The following FAM78B variants were observed in gnomAD, a reference collection of about 807,000 sequenced individuals.
FAM78B encodes family with sequence similarity 78 member B.
In FAM78B, 10 loss-of-function variants were observed where a neutral mutation model predicts 20.0. The ratio of observed to expected loss-of-function variants is 0.50; its 90% CI spans 0.31 to 0.85. The LOEUF is 0.85. Ranked by LOEUF, FAM78B falls within the 40% of genes least tolerant of loss-of-function variation. The probability of loss-of-function intolerance (pLI) is 0.05; values close to 1 mark genes in which losing one functional copy is unlikely to be tolerated. For missense variants in FAM78B, 283 were observed against 345.0 expected, an observed-to-expected ratio of 0.82 and a Z score of 1.42; for synonymous variants, 135 against 132.8, an observed-to-expected ratio of 1.02 and a Z score of -0.12.
intron 1 of FAM78B, among the ~76,000 whole-genome samples, chr1:166,138,632 C>G (rs1655163697): frequency 1.3e-5 from 2 of 152,190 alleles, no homozygotes; most frequent in African/African-American, 4.8e-5. Flanking sequence ...TAAGCAGCCA[C>G]TGGAAGCAGA....
intron 1 of FAM78B, among the ~76,000 whole-genome samples, chr1:166,079,613 G>A (rs534758281): frequency 1.3e-5 from 2 of 152,294 alleles, no homozygotes; most frequent in African/African-American, 4.8e-5. Flanking sequence ...AGTAGGTGGA[G>A]CTAGGGGCTG....
chr1:166,127,306 T>C (rs1424579400), intron 1 of FAM78B, among the ~76,000 whole-genome samples: 1 of 152,166 alleles, frequency 6.6e-6, no homozygotes, highest in African/African-American at 2.4e-5. Context: ...AGAGACTGCA[T>C]ATATATTGGC....
intron 1 of FAM78B, among the ~76,000 whole-genome samples, chr1:166,156,307 CTT>C (rs1385810073): frequency 3.9e-5 from 6 of 152,256 alleles, no homozygotes; most frequent in Admixed American, 2.6e-4. Context: ...TTTACCCTCT[CTT>C]GTCTTCAGAC....
chr1:166,099,166 A>C (rs1253037646), intron 1 of FAM78B, among the ~76,000 whole-genome samples: 2 of 152,198 alleles, frequency 1.3e-5, no homozygotes, highest in Non-Finnish European at 2.9e-5. Flanking sequence ...TATGAAGGAA[A>C]GATACAGTTG....
intron 2 of FAM78B, among the ~76,000 whole-genome samples, chr1:166,062,459 C>T (rs991060613): frequency 2.0e-5 from 3 of 152,224 alleles, no homozygotes; most frequent in Non-Finnish European, 2.9e-5. Context: ...TTCTGATGAA[C>T]GTGCCTGAAG....
In FAM78B at chr1:166,070,437, A is replaced by C; in HGVS notation, c.590T>G (p.Ile197Ser). 6.2e-7 allele frequency: 1 copy of C among 1,614,146 alleles called. No individual in the cohort carries two copies. The highest frequency in any genetic ancestry group is 8.5e-7 in the Non-Finnish European group (1 of 1,180,014). Residue 197 changes from isoleucine to serine, a missense_variant, in exon 2 of 2, where the codon ATT (isoleucine) becomes AGT (serine). By Grantham distance (142) the Ile-to-Ser change is moderately radical. Coordinates refer to ENST00000354422, the MANE Select transcript of FAM78B (RefSeq NM_001017961.5). ...CAAGAGCTGAAGAGGGTCCACTTCA[A>C]TGTCCACCCTCATCCTCCACTTGAT... ...QTIKWRMRVD[I>S]EVDPLQLLGQ... is the part of the protein sequence containing the mutation.
chr1:166,109,860 ATGTATGTGT>A (rs1653954969), intron 1 of FAM78B, among the ~76,000 whole-genome samples: 1 of 22,486 alleles, frequency 4.4e-5, no homozygotes, highest in Admixed American at 5.9e-4. Flanking sequence ...ATATATATAT[ATGTATGTGT>A]ATATATATAT....
At chr1:166,089,524 G>T (rs756056070) in intron 1 of FAM78B, among the ~76,000 whole-genome samples, 3 of 152,092 alleles carry the variant, frequency 2.0e-5, no homozygotes, top group South Asian at 2.1e-4. Context: ...GGAAGTGAAA[G>T]AATGGGTCAG....
At chr1:166,146,037 C>A (rs1269855105) in intron 1 of FAM78B, among the ~76,000 whole-genome samples, 1 of 152,126 alleles carries the variant, frequency 6.6e-6, no homozygotes, top group East Asian at 1.9e-4. Flanking sequence ...CCTCTCACAG[C>A]TACTGTGAGG....
At chr1:166,129,724 T>G (rs4147071) in intron 1 of FAM78B, among the ~76,000 whole-genome samples, 111,269 of 151,884 alleles carry the variant, frequency 0.73, 41,449 homozygotes, top group Non-Finnish European at 0.82. Context: ...CCCTGCTGCT[T>G]CTTCTCCTGC....
At chr1:166,137,558 T>C (rs1655114524) in intron 1 of FAM78B, among the ~76,000 whole-genome samples, 1 of 151,978 alleles carries the variant, frequency 6.6e-6, no homozygotes, top group Non-Finnish European at 1.5e-5. Context: ...ATACTATAGC[T>C]CCACAAGTAT....
chr1:166,101,934 A>G (rs1571162691), intron 1 of FAM78B, among the ~76,000 whole-genome samples: 1 of 152,278 alleles, frequency 6.6e-6, no homozygotes, highest in East Asian at 1.9e-4. Flanking sequence ...GAAATGAAGG[A>G]AAAAATGTTA....
chr1:166,108,767 A>T (rs2101754558), intron 1 of FAM78B, among the ~76,000 whole-genome samples: 1 of 152,352 alleles, frequency 6.6e-6, no homozygotes, highest in Admixed American at 6.5e-5. Context: ...ACTGTACTAT[A>T]AGGCCATATT....
At chr1:166,126,358 G>T (rs1183770109) in intron 1 of FAM78B, among the ~76,000 whole-genome samples, 1 of 152,136 alleles carries the variant, frequency 6.6e-6, no homozygotes, top group Non-Finnish European at 1.5e-5. Flanking sequence ...ACTTGTATAT[G>T]GACAAGCAAT....
At chr1:166,092,963 C>T (rs557067929) in intron 1 of FAM78B, among the ~76,000 whole-genome samples, 61 of 152,196 alleles carry the variant, frequency 4.0e-4, no homozygotes, top group African/African-American at 1.4e-3. Flanking sequence ...GTTAAGTGGC[C>T]GGGCTGAAAT....
intron 1 of FAM78B, among the ~76,000 whole-genome samples, chr1:166,117,017 C>T (rs1484266061): frequency 6.6e-6 from 1 of 152,144 alleles, no homozygotes; most frequent in African/African-American, 2.4e-5. Context: ...ATAAATGAAA[C>T]CTATAAATGC....
intron 1 of FAM78B, among the ~76,000 whole-genome samples, chr1:166,138,856 A>G (rs1438918639): frequency 1.3e-5 from 2 of 152,232 alleles, no homozygotes; most frequent in Admixed American, 1.3e-4. Context: ...CATGGCAGGT[A>G]CTCAAATATT....
In FAM78B at chr1:166,166,729, C is replaced by G. The variant is rs1400566879; in HGVS notation, c.-481G>C. Reference sequence around the variant, plus strand: ...CAGCAGCAGCCGCCGCCGCCGCCGCCGCTGCATGAACCTCTGCACCACGGC... The same window carrying G: ...CAGCAGCAGCCGCCGCCGCCGCCGCGGCTGCATGAACCTCTGCACCACGGC... On this transcript the variant is annotated 5_prime_UTR_variant, in exon 1 of 2. Coordinates refer to ENST00000354422, the MANE Select transcript of FAM78B (RefSeq NM_001017961.5). 2 of 149,726 alleles carry G rather than the reference C, an allele frequency of 1.3e-5. No homozygotes were observed. The highest frequency in any genetic ancestry group is 3.0e-5 in the Non-Finnish European group (2 of 67,174). 9.3% of individuals were successfully genotyped at this position (149,726 alleles called of 1,614,324 possible).
At chr1:166,119,223 T>C (rs1401664057) in intron 1 of FAM78B, among the ~76,000 whole-genome samples, 3 of 152,220 alleles carry the variant, frequency 2.0e-5, no homozygotes, top group Admixed American at 6.5e-5. Context: ...CGAGTTCAAC[T>C]TGAAAACCCT....
Sources: gnomAD v4.1 joint callset for allele counts (sites outside exome capture counted in the v4.1 genomes callset) on GRCh38, gnomAD v4.1.1 for gene constraint, MANE v1.5 for transcripts, NCBI Gene and HGNC (gene_info 2026-07-23, HGNC 2026-07-21) for gene names.